Variants in ACOXL observed in about 807,000 individuals in gnomAD.
The protein encoded by ACOXL is acyl-coenzyme A oxidase-like protein.
Under a neutral mutation model 71.9 loss-of-function variants are expected in ACOXL, and 70 were observed. The observed-to-expected ratio is 0.97, with a 90% CI of 0.80 to 1.19. The LOEUF is 1.19. Ranked by LOEUF, ACOXL falls within the 50% of genes most tolerant of loss-of-function variation. The pLI is 0.00. For missense variants in ACOXL, 703 were observed against 736.3 expected (o/e 0.95, Z 0.52); for synonymous variants, 253 against 281.6 (o/e 0.90, Z 1.02).
intron 10 of ACOXL, among the ~76,000 whole-genome samples, chr2:110,879,262 G>A (rs1450299016): frequency 6.6e-6 from 1 of 152,148 alleles, no homozygotes; most frequent in Middle Eastern, 3.2e-3. Flanking sequence ...CTGAAGAGCA[G>A]GTTGCCCAAG....
At chr2:111,102,965 CAA>C (rs2150055992) in intron 17 of ACOXL, among the ~76,000 whole-genome samples, 2 of 152,210 alleles carry the variant, frequency 1.3e-5, no homozygotes, top group South Asian at 4.1e-4. Context: ...CTGGGGGACT[CAA>C]AGTGTTTGGT....
At chr2:110,767,104 C>T (rs1285349811) in intron 1 of ACOXL, among the ~76,000 whole-genome samples, 1 of 152,110 alleles carries the variant, frequency 6.6e-6, no homozygotes. Flanking sequence ...TGGGTATCTC[C>T]AAGAAGGTTT....
chr2:110,816,605 C>A (rs1048708632), intron 9 of ACOXL, among the ~76,000 whole-genome samples: 1 of 152,116 alleles, frequency 6.6e-6, no homozygotes, highest in African/African-American at 2.4e-5. Context: ...TTGCTCATGG[C>A]TGAGTCTCCT....
At chr2:111,039,250 G>A (rs1405549280) in intron 15 of ACOXL, among the ~76,000 whole-genome samples, 1 of 152,172 alleles carries the variant, frequency 6.6e-6, no homozygotes, top group African/African-American at 2.4e-5. Flanking sequence ...TAACCTATCA[G>A]AGATCACAAG....
At chr2:111,041,868 T>C (rs2065803102) in intron 15 of ACOXL, among the ~76,000 whole-genome samples, 1 of 152,202 alleles carries the variant, frequency 6.6e-6, no homozygotes, top group South Asian at 2.1e-4. Flanking sequence ...GTGCTCTGTC[T>C]CCCGACTTTG....
At chr2:110,965,687 C>T (rs991387231) in intron 12 of ACOXL, among the ~76,000 whole-genome samples, 13 of 151,750 alleles carry the variant, frequency 8.6e-5, no homozygotes, top group African/African-American at 3.1e-4. Flanking sequence ...TAGAATAGCC[C>T]CATTCCTTAC....
At chr2:111,066,462 G>T (rs2067078138) in intron 16 of ACOXL, among the ~76,000 whole-genome samples, 1 of 152,254 alleles carries the variant, frequency 6.6e-6, no homozygotes, top group Admixed American at 6.5e-5. Context: ...AGATGATCTG[G>T]ATCTCATTGT....
intron 11 of ACOXL, among the ~76,000 whole-genome samples, chr2:110,920,440 G>T (rs370006413): frequency 5.3e-4 from 81 of 152,158 alleles, no homozygotes; most frequent in African/African-American, 1.9e-3. Flanking sequence ...TTTTCTTATT[G>T]TTGAGTGCAA....
At chr2:110,843,797 T>A (rs1413350885) in intron 10 of ACOXL, among the ~76,000 whole-genome samples, 2 of 152,232 alleles carry the variant, frequency 1.3e-5, no homozygotes, top group African/African-American at 4.8e-5. Flanking sequence ...ACCTTTAAGG[T>A]GTTAAGTGCA....
At chr2:110,951,589 G>A (rs1236393261) in intron 12 of ACOXL, among the ~76,000 whole-genome samples, 2 of 152,138 alleles carry the variant, frequency 1.3e-5, no homozygotes, top group Non-Finnish European at 2.9e-5. Flanking sequence ...TGGGACTTGT[G>A]CAGATATTCT....
intron 3 of ACOXL, among the ~76,000 whole-genome samples, chr2:110,790,503 TA>T (rs1684514914): frequency 6.6e-6 from 1 of 152,190 alleles, no homozygotes; most frequent in Admixed American, 6.5e-5. Context: ...CTTCTCCTGA[TA>T]AGTGGGAAAA....
At chr2:110,767,774 G>A (rs529252200) in intron 1 of ACOXL, among the ~76,000 whole-genome samples, 35 of 152,294 alleles carry the variant, frequency 2.3e-4, no homozygotes, top group African/African-American at 7.7e-4. Context: ...CAGAGCAGGA[G>A]GTGTTGCAGT....
intron 5 of ACOXL, among the ~76,000 whole-genome samples, chr2:110,796,561 C>T (rs1559273486): frequency 6.6e-6 from 1 of 152,210 alleles, no homozygotes; most frequent in Non-Finnish European, 1.5e-5. Flanking sequence ...CCTTCTGCTC[C>T]CTTCCCCACC....
Position 110,749,447 on chromosome 2 carries a change from C to G in ACOXL, c.-23+16673C>G, listed in dbSNP as rs543782662. 3.3e-5 allele frequency among the ~76,000 whole-genome samples: 5 copies of G among 152,308 alleles called. No individual in the cohort carries two copies. The South Asian group carries it at 8.3e-4, about 25-fold the overall frequency. On this transcript the variant is annotated intron_variant, in intron 1 of 17. Coordinates refer to ENST00000439055, the MANE Select transcript of ACOXL (RefSeq NM_001142807.4). ...AACGAAGACAGCAGCATTGACAGGC[C>G]GGACAGGGTGGCTCACGCCTGTAAT...
chr2:110,735,946 G>GC (rs368086600), intron 1 of ACOXL, among the ~76,000 whole-genome samples: 197 of 152,110 alleles, frequency 1.3e-3, no homozygotes, highest in Middle Eastern at 6.8e-3. Context: ...AACTGAGAAA[G>GC]CCCCCCCATA....
At chr2:110,979,707 A>C (rs543557625) in intron 12 of ACOXL, among the ~76,000 whole-genome samples, 34 of 152,220 alleles carry the variant, frequency 2.2e-4, no homozygotes, top group African/African-American at 7.5e-4. Context: ...AGCAGGGATC[A>C]CCAAATCAAT....
chr2:111,113,788 C>T (rs1336910667), intron 17 of ACOXL, among the ~76,000 whole-genome samples: 1 of 152,208 alleles, frequency 6.6e-6, no homozygotes, highest in African/African-American at 2.4e-5. Context: ...ATCTTATTCC[C>T]TCATCACATC....
intron 10 of ACOXL, among the ~76,000 whole-genome samples, chr2:110,883,970 C>A (rs567317258): frequency 4.6e-5 from 7 of 152,102 alleles, no homozygotes; most frequent in African/African-American, 7.2e-5. Flanking sequence ...TGATGGAGTA[C>A]AACGTGGTGT....
rs547012446 is a variant in ACOXL, at chr2:110,987,235, C to T, written c.1169+18C>T. Reference sequence around the variant, plus strand: ...AGAACCAGGTACGTATTACTCAGGCCATCATCATCTGCCTTCAGTGGGTTA... The same window carrying T: ...AGAACCAGGTACGTATTACTCAGGCTATCATCATCTGCCTTCAGTGGGTTA... On this transcript the variant is annotated intron_variant, in intron 13 of 17. Coordinates refer to ENST00000439055, the MANE Select transcript of ACOXL (RefSeq NM_001142807.4). 4.5e-6 allele frequency: 7 copies of T among 1,554,338 alleles called. No homozygotes were observed. In the African/African-American group the frequency reaches 9.5e-5, roughly 21 times the overall value.
Sources: allele counts gnomAD v4.1 joint callset (sites outside exome capture counted in the v4.1 genomes callset), GRCh38; gene constraint gnomAD v4.1.1; transcripts MANE v1.5; gene names NCBI Gene and HGNC (gene_info 2026-07-23, HGNC 2026-07-21).